The following RBFOX1 variants were observed in gnomAD, a reference collection of about 807,000 sequenced individuals.
RBFOX1 encodes the protein RNA binding fox-1 homolog 1, also known as RNA binding protein fox-1 homolog 1.
In RBFOX1, 8 loss-of-function variants were observed where a neutral mutation model predicts 57.7. The observed-to-expected ratio is 0.14, with a 90% CI of 0.08 to 0.25. The LOEUF (loss-of-function observed/expected upper bound fraction) is 0.25, where lower values mean the gene tolerates loss of function less well. Among genes scored for constraint, RBFOX1 ranks in the 10% least tolerant of loss-of-function variants. The pLI, the probability that RBFOX1 is intolerant of heterozygous loss-of-function variation, is 1.00. For missense variants in RBFOX1, 611 were observed against 548.5 expected (o/e 1.11, Z -1.14); for synonymous variants, 326 against 222.4 (o/e 1.47, Z -4.15).
intron 4 of RBFOX1, among the ~76,000 whole-genome samples, chr16:7,204,743 C>G (rs1284678782): frequency 1.3e-5 from 2 of 152,186 alleles, no homozygotes; most frequent in Admixed American, 1.3e-4. Flanking sequence ...CTTCCTTCAT[C>G]TCCTTTTCTC....
intron 3 of RBFOX1, among the ~76,000 whole-genome samples, chr16:6,676,141 C>T (rs1456493641): frequency 1.0e-4 from 2 of 19,236 alleles, no homozygotes; most frequent in East Asian, 5.3e-4. Flanking sequence ...CACACACACG[C>T]GCACACACAC....
chr16:7,279,082 G>A (rs1429181850), intron 4 of RBFOX1, among the ~76,000 whole-genome samples: 3 of 149,848 alleles, frequency 2.0e-5, no homozygotes, highest in Non-Finnish European at 4.4e-5. Flanking sequence ...GTAGGTTTCT[G>A]GAGACTCTTT....
In RBFOX1 at chr16:5,947,177, C is replaced by A. The variant is rs2059417032; in HGVS notation, c.351+79842C>A. ...GTTGCAGCGAGCCGTGATTCTGCCA[C>A]TGCTCTCCAGCCTGGGTGGCAGAGT... is the stretch of plus-strand genomic sequence containing the variant. On this transcript the variant is annotated intron_variant, in intron 4 of 19. Coordinates refer to the RBFOX1 transcript ENST00000641259. The surrounding 1 kb of genome is among the most constrained non-coding windows in gnomAD (Gnocchi z 7.2). 1.3e-5 allele frequency among the ~76,000 whole-genome samples: 2 copies of A among 152,180 alleles called. No homozygotes were observed. The highest frequency in any genetic ancestry group is 2.9e-5 in the Non-Finnish European group (2 of 68,038).
At chr16:7,368,896 C>T (rs1291879159) in intron 4 of RBFOX1, among the ~76,000 whole-genome samples, 3 of 152,026 alleles carry the variant, frequency 2.0e-5, no homozygotes, top group African/African-American at 7.2e-5. Context: ...AAAGAAAGTG[C>T]CCTCTAATGG....
chr16:7,572,031 G>A (rs953970811), intron 5 of RBFOX1, among the ~76,000 whole-genome samples: 4 of 152,176 alleles, frequency 2.6e-5, no homozygotes, highest in African/African-American at 9.7e-5. Context: ...GGAGGCTGAG[G>A]CAGGAGAATC....
Position 6,967,984 on chromosome 16 carries a change from C to G in RBFOX1, c.-15-84073C>G, listed in dbSNP as rs963898349. ...TCGGGGAGAGAGGTTGGCAGTTCTG[C>G]TGATGACAGCGGGAAGGTGCTGCCT... On this transcript the variant is annotated intron_variant, in intron 3 of 15. Coordinates refer to ENST00000550418, the MANE Select transcript of RBFOX1 (RefSeq NM_018723.4). Among the ~76,000 whole-genome samples, 30 of 152,166 alleles carry G rather than the reference C, an allele frequency of 2.0e-4. 1 individual carries two copies. Among genetic ancestry groups the G allele is most frequent in the African/African-American group, 7.2e-4 (30 of 41,438 alleles).
rs904019110 is a variant in RBFOX1, at chr16:6,763,923, C to A, written c.-16+109273C>A. Among the ~76,000 whole-genome samples the A allele has an allele frequency of 1.1e-4, 16 of 152,172 alleles. 1 individual carries two copies. Among genetic ancestry groups the A allele is most frequent in the Non-Finnish European group, 5.9e-5 (4 of 68,030 alleles). On this transcript the variant is annotated intron_variant, in intron 3 of 15. Coordinates refer to ENST00000550418, the MANE Select transcript of RBFOX1 (RefSeq NM_018723.4). ...ACCTGTGCTTAGCGTTTGTATATGT[C>A]CTATGGTTCCCAATATTAATGAGTC... is the stretch of plus-strand genomic sequence containing the variant.
rs58012562 is a variant in RBFOX1, at chr16:7,060,301, C to G, written c.27+8203C>G. ...GGCAGTGGGCCATAGTTAGCCAACC[C>G]CTGCTGGTGACTGAAATGTTAGTGA... On this transcript the variant is annotated intron_variant, in intron 4 of 15. Coordinates refer to ENST00000550418, the MANE Select transcript of RBFOX1 (RefSeq NM_018723.4). Among the ~76,000 whole-genome samples the G allele has an allele frequency of 8.3e-3, 1,266 of 152,130 alleles. 18 individuals are homozygous for G. Among genetic ancestry groups the G allele is most frequent in the African/African-American group, 0.028 (1,177 of 41,492 alleles).
At position 7,015,083 on chromosome 16, in the gene RBFOX1, A is replaced by G. The variant is rs145653199; in HGVS notation, c.-15-36974A>G. ...ATTCTGTTTATCTTTTTCTTGCATT[A>G]TGGAATAGCATAAACTTGGGGTCTG... On this transcript the variant is annotated intron_variant, in intron 3 of 15. Coordinates refer to ENST00000550418, the MANE Select transcript of RBFOX1 (RefSeq NM_018723.4). Among the ~76,000 whole-genome samples the G allele has an allele frequency of 1.5e-3, 232 of 152,266 alleles. 1 individual carries two copies. The highest frequency in any genetic ancestry group is 5.4e-3 in the African/African-American group (225 of 41,552).
chr16:6,877,384 A>G (rs2172310), intron 3 of RBFOX1, among the ~76,000 whole-genome samples: 28,526 of 152,106 alleles, frequency 0.19, 2,943 homozygotes, highest in South Asian at 0.41. Flanking sequence ...TAACTGACAT[A>G]ACTGCATCAT....
At chr16:6,979,844 G>A (rs1358515939) in intron 3 of RBFOX1, among the ~76,000 whole-genome samples, 1 of 152,102 alleles carries the variant, frequency 6.6e-6, no homozygotes, top group Non-Finnish European at 1.5e-5. Flanking sequence ...CTGGTGTTGG[G>A]CTCTGTGATG....
At chr16:7,608,382 G>T (rs1392513035) in intron 10 of RBFOX1, among the ~76,000 whole-genome samples, 1 of 152,178 alleles carries the variant, frequency 6.6e-6, no homozygotes, top group Non-Finnish European at 1.5e-5. Flanking sequence ...ATCTGGAAAG[G>T]CTCAACAGGA....
At chr16:5,700,283 C>A (rs73518004) in intron 3 of RBFOX1, among the ~76,000 whole-genome samples, 3 of 151,914 alleles carry the variant, frequency 2.0e-5, no homozygotes, top group Non-Finnish European at 4.4e-5. Context: ...TTCAAAAGCC[C>A]ACTTTGACAG....
intron 1 of RBFOX1, among the ~76,000 whole-genome samples, chr16:6,263,116 G>A (rs1282604239): frequency 6.6e-6 from 1 of 152,168 alleles, no homozygotes; most frequent in South Asian, 2.1e-4. Context: ...AACACAGAGT[G>A]CGCCTGTGGG....
intron 1 of RBFOX1, among the ~76,000 whole-genome samples, chr16:6,172,621 TC>T (rs2152768989): frequency 6.6e-6 from 1 of 152,274 alleles, no homozygotes; most frequent in Admixed American, 6.5e-5. Flanking sequence ...TCAAGTTCTG[TC>T]CCTCTGGATT....
At chr16:6,719,967 G>C (rs537318812) in intron 3 of RBFOX1, among the ~76,000 whole-genome samples, 1 of 151,812 alleles carries the variant, frequency 6.6e-6, no homozygotes, top group Non-Finnish European at 1.5e-5. Flanking sequence ...GATGGCAGGC[G>C]TCTATAATCC....
chr16:6,273,340 G>GTTTT (rs544640090), intron 1 of RBFOX1, among the ~76,000 whole-genome samples: 10 of 89,870 alleles, frequency 1.1e-4, no homozygotes, highest in Admixed American at 2.8e-4. Context: ...GTTGTTGTTG[G>GTTTT]TTTTTTTTTT....
intron 3 of RBFOX1, among the ~76,000 whole-genome samples, chr16:6,737,120 T>C (rs1332299211): frequency 2.0e-5 from 3 of 152,178 alleles, no homozygotes; most frequent in Non-Finnish European, 4.4e-5. Context: ...CTGCCTTCAT[T>C]GGGTTTACAA....
intron 4 of RBFOX1, among the ~76,000 whole-genome samples, chr16:7,338,076 T>A (rs1315609175): frequency 6.6e-6 from 1 of 152,222 alleles, no homozygotes; most frequent in Non-Finnish European, 1.5e-5. Context: ...AGTTCCAGGG[T>A]ACATGTGCAG....
Sources: allele counts gnomAD v4.1 joint callset (sites outside exome capture counted in the v4.1 genomes callset), GRCh38; gene constraint gnomAD v4.1.1; non-coding constraint Gnocchi (gnomAD v3.1); transcripts MANE v1.5; gene names NCBI Gene and HGNC (gene_info 2026-07-23, HGNC 2026-07-21).